The following TPTE2 variants were observed in gnomAD, a reference collection of about 807,000 sequenced individuals.
TPTE2 encodes transmembrane phosphoinositide 3-phosphatase and tensin homolog 2, also known as phosphatidylinositol 3,4,5-trisphosphate 3-phosphatase TPTE2.
A neutral mutation model predicts 78.6 loss-of-function variants in TPTE2; 53 were observed. The observed-to-expected ratio is 0.67, with a 90% confidence interval of 0.54 to 0.85. The LOEUF (loss-of-function observed/expected upper bound fraction) is 0.85, where lower values mean the gene tolerates loss of function less well. Among genes scored for constraint, TPTE2 ranks in the 40% least tolerant of loss-of-function variants. The pLI, the probability that TPTE2 is intolerant of heterozygous loss-of-function variation, is 0.00. For synonymous variants in TPTE2, 175 were observed against 206.2 expected (o/e 0.85, Z 1.30); for missense variants, 461 against 623.0 (o/e 0.74, Z 2.77).
intron 10 of TPTE2, among the ~76,000 whole-genome samples, chr13:19,462,170 G>T (rs2497077): frequency 1 from 151,479 of 152,038 alleles, 75,463 homozygotes; most frequent in Middle Eastern, 1. Flanking sequence ...CTCTTTCTCA[G>T]GTGTATATCT....
Position 19,486,680 on chromosome 13 carries a change from G to A in TPTE2, c.120-4133C>T, listed in dbSNP as rs1880683415. 6.6e-6 allele frequency among the ~76,000 whole-genome samples: 1 copy of A among 152,184 alleles called. No individual in the cohort carries two copies. On this transcript the variant is annotated intron_variant, in intron 3 of 19. Transcript: ENST00000400230. This position sits in a 1 kb window ranked among gnomAD's most constrained non-coding sequence, Gnocchi z 4.3. ...AGCCAGTCTGCTGGGGGAAACTCAT[G>A]GGCCAAATATACAGCTGCATAGCTC...
the TPTE2 span, among the ~76,000 whole-genome samples, chr13:19,555,803 C>CTTTTTTTTTTTT: frequency 3.7e-5 from 3 of 81,038 alleles, 1 homozygote; most frequent in African/African-American, 1.5e-4. Flanking sequence ...CAACAAATTT[C>CTTTTTTTTTTTT]TTTTTTTTTT....
At chr13:19,476,403 G>A (rs1489420096) in intron 4 of TPTE2, among the ~76,000 whole-genome samples, 1 of 150,624 alleles carries the variant, frequency 6.6e-6, no homozygotes, top group Non-Finnish European at 1.5e-5. Context: ...AAGTCTTCAG[G>A]AAGTTTCTGT....
chr13:19,437,529 A>G (rs532822334), intron 14 of TPTE2, among the ~76,000 whole-genome samples: 8 of 152,292 alleles, frequency 5.3e-5, no homozygotes, highest in Non-Finnish European at 7.4e-5. Flanking sequence ...CTTTTTATCT[A>G]CCTAAGAGTT....
intron 3 of TPTE2, among the ~76,000 whole-genome samples, chr13:19,491,757 G>A (rs1881001378): frequency 6.6e-6 from 1 of 152,038 alleles, no homozygotes; most frequent in South Asian, 2.1e-4. Context: ...CCCGGGAGAT[G>A]GAGGTTACAG....
chr13:19,523,506 C>T lies in TPTE2; in HGVS notation c.-44+13090G>A, dbSNP rs530296382. ...TATTTATTTTTTTGAAACAGAGTCT[C>T]GCTCTGTTGCCCATGCTGGAGTGCA... On this transcript the variant is annotated intron_variant, in intron 1 of 17. Transcript: ENST00000390680. 1.3e-4 allele frequency among the ~76,000 whole-genome samples: 20 copies of T among 152,164 alleles called. No homozygotes were observed. The East Asian group carries it at 2.9e-3, about 22-fold the overall frequency.
intron 13 of TPTE2, among the ~76,000 whole-genome samples, chr13:19,439,402 G>C (rs1397066305): frequency 6.6e-6 from 1 of 151,974 alleles, no homozygotes; most frequent in Non-Finnish European, 1.5e-5. Flanking sequence ...CCTCTAGGGA[G>C]AAGGGAAAGG....
At chr13:19,515,543 C>T (rs1356534806) in intron 1 of TPTE2, among the ~76,000 whole-genome samples, 1 of 152,056 alleles carries the variant, frequency 6.6e-6, no homozygotes, top group African/African-American at 2.4e-5. Flanking sequence ...GGTCTGAGAG[C>T]CATGAGGGGA....
upstream of TPTE2, among the ~76,000 whole-genome samples, chr13:19,539,887 G>A (rs1871389513): frequency 6.6e-6 from 1 of 152,154 alleles, no homozygotes; most frequent in African/African-American, 2.4e-5. Flanking sequence ...GCTCACGCCT[G>A]TAATCCCAGC....
chr13:19,443,397 C>CTTTTT (rs71092357), intron 13 of TPTE2, among the ~76,000 whole-genome samples: 4 of 129,880 alleles, frequency 3.1e-5, no homozygotes, highest in African/African-American at 5.5e-5. Flanking sequence ...TTCTTTCTTT[C>CTTTTT]TTTTTTTTTT....
At chr13:19,527,388 C>G (rs1870575115) in intron 1 of TPTE2, among the ~76,000 whole-genome samples, 1 of 152,164 alleles carries the variant, frequency 6.6e-6, no homozygotes, top group Non-Finnish European at 1.5e-5. Flanking sequence ...GGTCATTACA[C>G]ATTCTATGCA....
chr13:19,495,545 T>TA (rs1473557858), intron 1 of TPTE2, among the ~76,000 whole-genome samples: 5 of 152,232 alleles, frequency 3.3e-5, no homozygotes, highest in African/African-American at 1.2e-4. Flanking sequence ...AAGCTCATTC[T>TA]GAGAGGACTC....
intron 1 of TPTE2, among the ~76,000 whole-genome samples, chr13:19,497,245 G>A (rs1260718552): frequency 6.9e-6 from 1 of 145,244 alleles, no homozygotes; most frequent in Non-Finnish European, 1.5e-5. Context: ...CATTGCCCAG[G>A]CTTGATTAGG....
intron 4 of TPTE2, among the ~76,000 whole-genome samples, chr13:19,477,039 A>G (rs1345230635): frequency 6.6e-6 from 1 of 152,212 alleles, no homozygotes; most frequent in Non-Finnish European, 1.5e-5. Flanking sequence ...CCATAAAAAA[A>G]GAATGAGATC....
chr13:19,425,446 C>T (rs1187222304), intron 18 of TPTE2, among the ~76,000 whole-genome samples: 10 of 152,186 alleles, frequency 6.6e-5, no homozygotes, highest in Non-Finnish European at 4.4e-5. Flanking sequence ...CAGTCACCCT[C>T]AGCAGTTTCC....
At chr13:19,460,792 A>G (rs1878841937) in intron 10 of TPTE2, among the ~76,000 whole-genome samples, 1 of 152,168 alleles carries the variant, frequency 6.6e-6, no homozygotes. Flanking sequence ...ATTGTAATTT[A>G]TATTAAATTA....
chr13:19,437,415 C>T (rs1379539360), intron 14 of TPTE2, among the ~76,000 whole-genome samples: 1 of 152,190 alleles, frequency 6.6e-6, no homozygotes, highest in Non-Finnish European at 1.5e-5. Context: ...AAACAGCCCA[C>T]CTTGTCTAAT....
Position 19,486,569 on chromosome 13 carries a change from G to A in TPTE2, c.120-4022C>T, listed in dbSNP as rs949459319. The stretch of plus-strand genomic sequence containing the variant: ...GACGCAGGCACACAGCTGTTTGCCT[G>A]GCCTGGAAGCATGCACTCCAGGAGT... On this transcript the variant is annotated intron_variant, in intron 3 of 19. Transcript: ENST00000400230. This position sits in a 1 kb window ranked among gnomAD's most constrained non-coding sequence, Gnocchi z 4.3. 6.6e-6 allele frequency among the ~76,000 whole-genome samples: 1 copy of A among 152,188 alleles called. No homozygotes were observed. Among genetic ancestry groups the A allele is most frequent in the Non-Finnish European group, 1.5e-5 (1 of 68,020 alleles).
chr13:19,478,230 A>G (rs1267592958), intron 4 of TPTE2, among the ~76,000 whole-genome samples: 2 of 152,138 alleles, frequency 1.3e-5, no homozygotes, highest in East Asian at 3.8e-4. Context: ...GGCAACCTAC[A>G]GAATGGGAGA....
Sources: gnomAD v4.1 joint callset for allele counts (sites outside exome capture counted in the v4.1 genomes callset) on GRCh38, gnomAD v4.1.1 for gene constraint, Gnocchi (gnomAD v3.1) non-coding constraint, MANE v1.5 for transcripts, NCBI Gene and HGNC (gene_info 2026-07-23, HGNC 2026-07-21) for gene names.